CCDC7: variants seen among roughly 807,000 people sequenced by gnomAD.
CCDC7 encodes the protein coiled-coil domain-containing protein 7.
A neutral mutation model predicts 196.9 loss-of-function variants in CCDC7; 183 were observed. The ratio of observed to expected loss-of-function variants is 0.93; its 90% CI spans 0.82 to 1.05. The LOEUF (loss-of-function observed/expected upper bound fraction) is 1.05. Ranked by LOEUF, CCDC7 falls within the 50% of genes least tolerant of loss-of-function variation. The pLI is 0.00. For synonymous variants in CCDC7, 525 were observed against 484.6 expected, an observed-to-expected ratio of 1.08 and a Z score of -1.10; for missense variants, 1,540 against 1,482.2, an observed-to-expected ratio of 1.04 and a Z score of -0.64.
intron 28 of CCDC7, among the ~76,000 whole-genome samples, chr10:32,756,491 C>T (rs1242221691): frequency 4.6e-5 from 7 of 152,168 alleles, no homozygotes; most frequent in Admixed American, 4.6e-4. Context: ...AATTTCATAT[C>T]CAGCCAAACT....
At position 32,845,525 on chromosome 10, in the gene CCDC7, T is replaced by G. The variant is rs910394173; in HGVS notation, c.3437-18T>G. ...GATAATCTTACAAAATATACTGAAA[T>G]CTGTTTTATTTCTATAGAGACTGAT... On this transcript the variant is annotated intron_variant, in intron 34 of 41. Coordinates refer to ENST00000639629, the Ensembl canonical transcript of CCDC7. 1.3e-5 allele frequency: 20 copies of G among 1,568,696 alleles called. No homozygotes were observed. The highest frequency in any genetic ancestry group is 1.7e-5 in the Non-Finnish European group (19 of 1,146,198).
intron 20 of CCDC7, among the ~76,000 whole-genome samples, chr10:32,642,441 C>T (rs1435130335): frequency 2.0e-5 from 3 of 152,238 alleles, no homozygotes; most frequent in African/African-American, 7.2e-5. Flanking sequence ...GCGTAGGACC[C>T]TCCGAGCCAG....
intron 21 of CCDC7, among the ~76,000 whole-genome samples, chr10:32,669,706 CTG>C (rs1409751298): frequency 1.3e-5 from 2 of 152,066 alleles, no homozygotes; most frequent in Non-Finnish European, 2.9e-5. Flanking sequence ...TTTTGTATCT[CTG>C]TGTCATCAGT....
chr10:32,664,761 T>A (rs964607665), intron 21 of CCDC7, among the ~76,000 whole-genome samples: 2 of 152,088 alleles, frequency 1.3e-5, no homozygotes, highest in Non-Finnish European at 2.9e-5. Flanking sequence ...TTGTGAGTAA[T>A]GTTACAGTGA....
chr10:32,834,934 G>A (rs755746714), intron 33 of CCDC7, 36 bp downstream of exon 34: 28 of 859,638 alleles, frequency 3.3e-5, no homozygotes, highest in Non-Finnish European at 4.8e-5. Context: ...CCTGTTAATG[G>A]CTTATTTAGC....
chr10:32,695,616 T>C (rs1301924473), intron 24 of CCDC7, among the ~76,000 whole-genome samples: 1 of 151,974 alleles, frequency 6.6e-6, no homozygotes, highest in Admixed American at 6.6e-5. Flanking sequence ...CCTTGCCGGG[T>C]AGTGTTTTTG....
intron 12 of CCDC7, among the ~76,000 whole-genome samples, 173 bp from the exon 14 acceptor site, chr10:32,544,074 G>A (rs1321365799): frequency 6.6e-6 from 1 of 151,916 alleles, no homozygotes; most frequent in South Asian, 2.1e-4. Context: ...TTTGAGAAAT[G>A]TTATTCAGTT....
intron 5 of CCDC7, among the ~76,000 whole-genome samples, chr10:32,465,758 C>G (rs1191293669): frequency 6.6e-6 from 1 of 152,140 alleles, no homozygotes; most frequent in African/African-American, 2.4e-5. Flanking sequence ...TCCCTGAACT[C>G]CAGGCTTTGT....
At chr10:32,512,003 G>C (rs1202056718) in intron 9 of CCDC7, 3 of 426,188 alleles carry the variant, frequency 7.0e-6, no homozygotes, top group African/African-American at 2.0e-5. Context: ...CTTTGGGGGA[G>C]CTAATAGACA....
chr10:32,452,532 A>C (rs541357713), intron 1 of CCDC7, among the ~76,000 whole-genome samples: 2 of 152,342 alleles, frequency 1.3e-5, no homozygotes, highest in East Asian at 3.9e-4. Flanking sequence ...ATCTTGGCTC[A>C]CTGCAAATTC....
intron 32 of CCDC7, among the ~76,000 whole-genome samples, chr10:32,831,868 T>C (rs937900451): frequency 9.2e-5 from 14 of 152,162 alleles, no homozygotes; most frequent in Non-Finnish European, 1.6e-4. Flanking sequence ...CAAATAAAAA[T>C]AAAAATGTAT....
intron 29 of CCDC7, among the ~76,000 whole-genome samples, chr10:32,788,772 G>A (rs2082245594): frequency 6.6e-6 from 1 of 152,226 alleles, no homozygotes; most frequent in Admixed American, 6.5e-5. Flanking sequence ...CATTCTCCAT[G>A]GACCCAGACA....
chr10:32,617,867 A>G (rs1316321343), intron 18 of CCDC7, among the ~76,000 whole-genome samples: 4 of 151,948 alleles, frequency 2.6e-5, no homozygotes, highest in Non-Finnish European at 4.4e-5. Flanking sequence ...GTCTAGTGCT[A>G]TGACTGTGAT....
chr10:32,478,767 T>G (rs1008890032), intron 8 of CCDC7, among the ~76,000 whole-genome samples: 4 of 152,156 alleles, frequency 2.6e-5, no homozygotes, highest in Non-Finnish European at 5.9e-5. Flanking sequence ...TAGTTTTCTT[T>G]TCTTGTAATG....
chr10:32,737,857 A>G (rs1026717358), intron 28 of CCDC7, among the ~76,000 whole-genome samples: 1 of 152,148 alleles, frequency 6.6e-6, no homozygotes, highest in Admixed American at 6.6e-5. Flanking sequence ...TGCTTTGATT[A>G]GTTAGCATGG....
intron 18 of CCDC7, among the ~76,000 whole-genome samples, chr10:32,613,613 C>A (rs960636446): frequency 6.6e-6 from 1 of 152,086 alleles, no homozygotes; most frequent in Middle Eastern, 3.4e-3. Flanking sequence ...GTATGCTGTG[C>A]CTTTCTTCTC....
At chr10:32,652,348 C>A (rs2068925477) in intron 20 of CCDC7, among the ~76,000 whole-genome samples, 1 of 151,878 alleles carries the variant, frequency 6.6e-6, no homozygotes, top group Non-Finnish European at 1.5e-5. Context: ...ATACTTGGAT[C>A]TTATTTTTTT....
intron 25 of CCDC7, among the ~76,000 whole-genome samples, chr10:32,725,997 C>T (rs1031844482): frequency 2.6e-5 from 4 of 152,240 alleles, no homozygotes; most frequent in South Asian, 2.1e-4. Context: ...CTGCCACATT[C>T]CTTCTCTTTG....
intron 29 of CCDC7, among the ~76,000 whole-genome samples, chr10:32,786,029 G>A (rs751457275): frequency 2.0e-5 from 3 of 152,144 alleles, no homozygotes; most frequent in Non-Finnish European, 4.4e-5. Flanking sequence ...GTGCTGAAGG[G>A]AGACTCTTAG....
Sources: gnomAD v4.1 joint callset for allele counts (sites outside exome capture counted in the v4.1 genomes callset) on GRCh38, gnomAD v4.1.1 for gene constraint, MANE v1.5 for transcripts, NCBI Gene and HGNC (gene_info 2026-07-23, HGNC 2026-07-21) for gene names.